Variants in MAFF observed in about 807,000 individuals in gnomAD.
MAFF encodes MAF bZIP transcription factor F, also known as transcription factor MafF.
Under a neutral mutation model 2.7 loss-of-function variants are expected in MAFF, and 4 were observed. The ratio of observed to expected loss-of-function variants is 1.48; its 90% CI spans 0.73 to 3.39. The LOEUF (loss-of-function observed/expected upper bound fraction) is 3.39. MAFF is among the 30% of genes most tolerant of loss of function. The pLI is 0.01. For missense variants in MAFF, 190 were observed against 246.6 expected (o/e 0.77, Z 1.54); for synonymous variants, 113 against 119.4 (o/e 0.95, Z 0.35).
Position 38,215,050 on chromosome 22 carries a change from C to A in MAFF, c.*172C>A. On this transcript the variant is annotated 3_prime_UTR_variant, in exon 3 of 3. Transcript: ENST00000338483. ...CCTCTTGCAGCCCCCCAAACTGGGA[C>A]CGAATGACCCTGGGAAGGGGAACTT... is the stretch of plus-strand genomic sequence containing the variant. The A allele has an allele frequency of 1.7e-6, 1 of 589,148 alleles. No homozygotes were observed. The highest frequency in any genetic ancestry group is 3.0e-5 in the Admixed American group (1 of 33,866). The allele number at this position is 589,148 out of a possible 1,614,324, so 36.5% of individuals were successfully genotyped here.
In MAFF at chr22:38,214,464, G is replaced by T; in HGVS notation, c.81G>T (p.Glu27Asp). ...LSENTPHLSD[E>D]ALMGLSVREL... ...AGAACACGCCGCACCTGTCGGACGA[G>T]GCGCTGATGGGGCTGTCGGTGCGCG... The change falls in exon 3 of 3, where the codon GAG (glutamate) becomes GAT (aspartate). Residue 27 changes from glutamate (E) to aspartate (D), a missense_variant. Coordinates refer to ENST00000338483, the MANE Select transcript of MAFF (RefSeq NM_012323.4). This position sits in a 1 kb window ranked among gnomAD's most constrained non-coding sequence, Gnocchi z 6.3. 6.2e-7 allele frequency: 1 copy of T among 1,608,632 alleles called. No homozygotes were observed.
At chr22:38,213,176 C>CAAAAAAAAAAAAAAA (rs57782814) in intron 1 of MAFF, among the ~76,000 whole-genome samples, 2 of 114,082 alleles carry the variant, frequency 1.8e-5, no homozygotes, top group Non-Finnish European at 3.6e-5. Flanking sequence ...GACTCTGTCT[C>CAAAAAAAAAAAAAAA]AAAAAAAAAA....
chr22:38,206,516 ATTT>A (rs10551302), intron 1 of MAFF, among the ~76,000 whole-genome samples: 2 of 148,476 alleles, frequency 1.3e-5, no homozygotes, highest in Non-Finnish European at 3.0e-5. Flanking sequence ...TAATTTTTGC[ATTT>A]TTTTTTTTCT....
chr22:38,214,306 T>C lies in MAFF; in HGVS notation c.37-114T>C. ...GGATTCCTGCTCCCCTTCGGGGTTTTGGATCAAGTCCACCCACCACCTCGG... is the reference window on the plus strand; with the variant it reads ...GGATTCCTGCTCCCCTTCGGGGTTTCGGATCAAGTCCACCCACCACCTCGG... On this transcript the variant is annotated intron_variant, in intron 2 of 2. Transcript: ENST00000338483. The surrounding 1 kb of genome is among the most constrained non-coding windows in gnomAD (Gnocchi z 6.3). 1 of 1,042,416 alleles carries C rather than the reference T, an allele frequency of 9.6e-7. No homozygotes were observed. The highest frequency in any genetic ancestry group is 1.3e-6 in the Non-Finnish European group (1 of 741,772). 64.6% of individuals were successfully genotyped at this position (1,042,416 alleles called of 1,614,324 possible). A position where few individuals can be genotyped will look rare whatever the true frequency, so the allele number is the denominator to read the frequency against.
chr22:38,213,246 A>G (rs924198565), intron 1 of MAFF, among the ~76,000 whole-genome samples: 4 of 151,040 alleles, frequency 2.6e-5, no homozygotes, highest in Non-Finnish European at 4.4e-5. Flanking sequence ...AATCAAATCA[A>G]AGGCACATGT....
At chr22:38,210,515 A>T (rs913319305) in intron 1 of MAFF, among the ~76,000 whole-genome samples, 10 of 152,078 alleles carry the variant, frequency 6.6e-5, no homozygotes, top group Non-Finnish European at 1.0e-4. Flanking sequence ...TGGAGCTGGC[A>T]TTCTAATCGG....
In MAFF at chr22:38,216,169, G is replaced by GT. The variant is rs1166822477; in HGVS notation, c.*1294dup. On this transcript the variant is annotated 3_prime_UTR_variant, in exon 3 of 3. Transcript: ENST00000338483. Reference sequence around the variant, plus strand: ...GGAGGGGGATCGCTTGAGTCCAGGAGTTTGAGACCAGCCTGGACAACATGG... The same window carrying GT: ...GGAGGGGGATCGCTTGAGTCCAGGAGTTTTGAGACCAGCCTGGACAACATGG... 1.3e-5 allele frequency: 2 copies of GT among 157,472 alleles called. No homozygotes were observed. Among genetic ancestry groups the GT allele is most frequent in the African/African-American group, 4.8e-5 (2 of 41,388 alleles). 9.8% of individuals were successfully genotyped at this position (157,472 alleles called of 1,614,324 possible). A position where few individuals can be genotyped will look rare whatever the true frequency, so the allele number is the denominator to read the frequency against.
At position 38,214,933 on chromosome 22, in the gene MAFF, A is replaced by C; in HGVS notation, c.*55A>C. ...CCCTCCGGCCTCAGCTCCCTCCCCA[A>C]AGTGCCTGAGCGCCGCCTCTGTGCC... On this transcript the variant is annotated 3_prime_UTR_variant, in exon 3 of 3. Transcript: ENST00000338483. This position sits in a 1 kb window ranked among gnomAD's most constrained non-coding sequence, Gnocchi z 6.3. 43 of 1,318,606 alleles carry C rather than the reference A, an allele frequency of 3.3e-5. No individual in the cohort carries two copies. Among genetic ancestry groups the C allele is most frequent in the Non-Finnish European group, 4.3e-5 (41 of 949,068 alleles). 81.7% of individuals were successfully genotyped at this position (1,318,606 alleles called of 1,614,324 possible).
intron 1 of MAFF, chr22:38,213,610 T>G (rs1335473053): frequency 1.5e-6 from 1 of 658,956 alleles, no homozygotes; most frequent in South Asian, 1.5e-5. Flanking sequence ...ACCATGGGGC[T>G]AGAACAGTAA....
chr22:38,212,739 G>A (rs1327851228), intron 1 of MAFF, among the ~76,000 whole-genome samples: 1 of 152,200 alleles, frequency 6.6e-6, no homozygotes. Flanking sequence ...TCTAGATGAA[G>A]GAGGCCTGGG....
rs183660295 is a variant in MAFF, at chr22:38,209,535, G to A, written c.-31-4288G>A. Among the ~76,000 whole-genome samples, 484 of 152,170 alleles carry A rather than the reference G, an allele frequency of 3.2e-3. 1 individual carries two copies. The highest frequency in any genetic ancestry group is 0.011 in the African/African-American group (468 of 41,516). On this transcript the variant is annotated intron_variant, in intron 1 of 2. Transcript: ENST00000338483. The stretch of plus-strand genomic sequence containing the variant: ...CCACTTAAGAGGCCTGCATTGGGTT[G>A]GGCGTGGTGGCTCACACCTGTAATC...
chr22:38,210,795 C>T (rs1369374098), intron 1 of MAFF, among the ~76,000 whole-genome samples: 3 of 152,004 alleles, frequency 2.0e-5, no homozygotes, highest in Admixed American at 1.3e-4. Flanking sequence ...CGTCGTGGCT[C>T]ATGCCTATAA....
chr22:38,213,175 T>TCAAAAA (rs2091114356), intron 1 of MAFF, among the ~76,000 whole-genome samples: 1 of 64,568 alleles, frequency 1.5e-5, no homozygotes, highest in African/African-American at 6.7e-5. Flanking sequence ...AGACTCTGTC[T>TCAAAAA]CAAAAAAAAA....
chr22:38,215,039 C>A lies in MAFF; in HGVS notation c.*161C>A. On this transcript the variant is annotated 3_prime_UTR_variant, in exon 3 of 3. Coordinates refer to ENST00000338483, the MANE Select transcript of MAFF (RefSeq NM_012323.4). ...GGCCCTGTCTTCCTCTTGCAGCCCC[C>A]CAAACTGGGACCGAATGACCCTGGG... 1.6e-6 allele frequency: 1 copy of A among 626,450 alleles called. No individual in the cohort carries two copies. The highest frequency in any genetic ancestry group is 2.9e-6 in the Non-Finnish European group (1 of 349,406). The allele number at this position is 626,450 out of a possible 1,614,324, so 38.8% of individuals were successfully genotyped here.
chr22:38,207,467 G>A (rs2091061886), intron 1 of MAFF, among the ~76,000 whole-genome samples: 1 of 108,190 alleles, frequency 9.2e-6, no homozygotes, highest in Non-Finnish European at 1.7e-5. Context: ...TTGAGACAGA[G>A]TCTCGCTCTG....
rs1450109173 is a variant in MAFF, at chr22:38,202,901, C to G, written c.-32+689C>G. On this transcript the variant is annotated intron_variant, in intron 1 of 2. Transcript: ENST00000338483. The surrounding 1 kb of genome is among the most constrained non-coding windows in gnomAD (Gnocchi z 7.4). The stretch of plus-strand genomic sequence containing the variant: ...CCCAGTCCTACTACCCGGGGCTGTC[C>G]GTCCCCGGCTCTCCCCGGAGTTTCC... The G allele has an allele frequency of 3.9e-5, 6 of 151,940 alleles. No individual in the cohort carries two copies. The highest frequency in any genetic ancestry group is 3.9e-4 in the East Asian group (2 of 5,164). 9.4% of individuals were successfully genotyped at this position (151,940 alleles called of 1,614,324 possible).
rs1243828094 is a variant in MAFF at position 38,214,744 on chromosome 22, G to A, written c.361G>A (p.Val121Met). 2.1e-6 allele frequency: 3 copies of A among 1,411,626 alleles called. No homozygotes were observed. Among genetic ancestry groups the A allele is most frequent in the East Asian group, 3.0e-5 (1 of 32,924 alleles). 87.4% of individuals were successfully genotyped at this position (1,411,626 alleles called of 1,614,324 possible). Reference sequence around the variant, plus strand: ...GGCGCTGCAGGGCTTCGCGCGCTCCGTGGCCGCCGCCCGCGGGCCCGCCAC... The same window carrying A: ...GGCGCTGCAGGGCTTCGCGCGCTCCATGGCCGCCGCCCGCGGGCCCGCCAC... Reference protein sequence around the residue: ...CEALQGFARSVAAARGPATLV... With the variant: ...CEALQGFARSMAAARGPATLV... Residue 121 changes from valine to methionine, a missense_variant, in exon 3 of 3, where the codon GTG (valine) becomes ATG (methionine). By Grantham distance (21) the Val-to-Met change is conservative. This residue lies in a region of MAFF where 103 missense variants were observed against 103.0 expected (regional missense o/e 1.00). Transcript: ENST00000338483. The surrounding 1 kb of genome is among the most constrained non-coding windows in gnomAD (Gnocchi z 6.3).
chr22:38,213,852 A>C lies in MAFF; in HGVS notation c.-2A>C, dbSNP rs2091121363. The C allele has an allele frequency of 1.9e-6, 3 of 1,614,058 alleles. No homozygotes were observed. The highest frequency in any genetic ancestry group is 1.3e-5 in the African/African-American group (1 of 74,910). ...GCAGCCCAGAGGGCACCTTCTGCAA[A>C]CATGTCTGTGGATCCCCTATCCAGC... is the stretch of plus-strand genomic sequence containing the variant. On this transcript the variant is annotated 5_prime_UTR_variant, in exon 2 of 3. Coordinates refer to ENST00000338483, the MANE Select transcript of MAFF (RefSeq NM_012323.4).
chr22:38,214,800 C>G lies in MAFF; in HGVS notation c.417C>G (p.Ile139Met), dbSNP rs1292857274. The change falls in exon 3 of 3, where the codon ATC (isoleucine) becomes ATG (methionine). Residue 139 changes from isoleucine to methionine, a missense_variant. Ile to Met is a conservative substitution (Grantham distance 10, BLOSUM62 1). This residue lies in a region of MAFF where 103 missense variants were observed against 103.0 expected (regional missense o/e 1.00). Transcript: ENST00000338483. This position sits in a 1 kb window ranked among gnomAD's most constrained non-coding sequence, Gnocchi z 6.3. ...TGGCGCCGGCCAGCGTCATCACCAT[C>G]GTCAAGTCCACCCCGGGCTCGGGGT... Reference protein sequence around the residue: ...TLVAPASVITIVKSTPGSGSG... With the variant: ...TLVAPASVITMVKSTPGSGSG... 1.3e-6 allele frequency: 2 copies of G among 1,482,704 alleles called. No individual in the cohort carries two copies. The highest frequency in any genetic ancestry group is 8.9e-7 in the Non-Finnish European group (1 of 1,122,360). 91.8% of individuals were successfully genotyped at this position (1,482,704 alleles called of 1,614,324 possible).
Sources: gnomAD v4.1 joint callset for allele counts (sites outside exome capture counted in the v4.1 genomes callset) on GRCh38, gnomAD v4.1.1 for gene constraint, gnomAD v4.1.1 regional missense constraint, Gnocchi (gnomAD v3.1) non-coding constraint, MANE v1.5 for transcripts, NCBI Gene and HGNC (gene_info 2026-07-23, HGNC 2026-07-21) for gene names.